Variants in ZNF142 observed in about 807,000 individuals in gnomAD.
ZNF142 encodes zinc finger protein 142.
A neutral mutation model predicts 132.1 loss-of-function variants in ZNF142; 96 were observed. The ratio of observed to expected loss-of-function variants is 0.73; its 90% CI spans 0.62 to 0.86. ZNF142 has a LOEUF of 0.86. ZNF142 is among the 40% of genes least tolerant of loss of function. ZNF142 has a pLI of 0.00. For synonymous variants in ZNF142, 842 were observed against 890.1 expected, an observed-to-expected ratio of 0.95 and a Z score of 0.96; for missense variants, 2,163 against 2,336.2, an observed-to-expected ratio of 0.93 and a Z score of 1.53.
chr2:218,647,435 A>AAAAAAAAAAAAAAAAAT (rs1559297379), intron 7 of ZNF142, among the ~76,000 whole-genome samples: 1 of 147,518 alleles, frequency 6.8e-6, no homozygotes, highest in Non-Finnish European at 1.5e-5. Flanking sequence ...AAAAAAAAAA[A>AAAAAAAAAAAAAAAAAT]GCCTCCTCCC....
At chr2:218,651,606 A>AATT in intron 5 of ZNF142, 95 bp downstream of exon 5, 1 of 1,181,026 alleles carries the variant, frequency 8.5e-7, no homozygotes, top group South Asian at 1.5e-5. Context: ...TCTTATATTC[A>AATT]TGTACATTCA....
intron 9 of ZNF142, among the ~76,000 whole-genome samples, chr2:218,641,181 C>T (rs1260358498): frequency 2.6e-5 from 4 of 152,102 alleles, no homozygotes; most frequent in African/African-American, 2.4e-5. Context: ...TCAAGCAATC[C>T]TCTGGCCTTG....
In ZNF142 at chr2:218,643,863, G is replaced by A. The variant is rs1697484302; in HGVS notation, c.3253C>T (p.Leu1085=). The A allele has an allele frequency of 6.2e-7, 1 of 1,614,190 alleles. No homozygotes were observed. Among genetic ancestry groups the A allele is most frequent in the Non-Finnish European group, 8.5e-7 (1 of 1,180,032 alleles). Reference sequence around the variant, plus strand: ...AGTAGAACAGGGCACTTCTTCAGCAGGTGGGTGCTGAGGCCGCGTTGTTGC... The same window carrying A: ...AGTAGAACAGGGCACTTCTTCAGCAAGTGGGTGCTGAGGCCGCGTTGTTGC... ...FKQQRGLSTH[L]LKKCPVLLRK... The change falls in exon 9 of 11, where the codon CTG becomes TTG. Residue 1085 remains leucine (L), a synonymous_variant. Transcript: ENST00000411696.
chr2:218,646,106 C>A, intron 8 of ZNF142, 65 bp downstream of exon 8: 2 of 1,569,780 alleles, frequency 1.3e-6, no homozygotes, highest in South Asian at 2.4e-5. Flanking sequence ...GAAGTTAGAT[C>A]CGAGAGGAAG....
In ZNF142 at chr2:218,636,278, C is replaced by T. The variant is rs751000229; in HGVS notation, c.*2061G>A. The T allele has an allele frequency of 1.5e-5, 25 of 1,613,920 alleles. No homozygotes were observed. The highest frequency in any genetic ancestry group is 1.6e-4 in the Middle Eastern group (1 of 6,084). On this transcript the variant is annotated 3_prime_UTR_variant, in exon 11 of 11. Coordinates refer to ENST00000411696, the MANE Select transcript of ZNF142 (RefSeq NM_001379659.1). ...ATACTGGGGGCAGACACTATGTTTCCGGGTGCTGGTGCCTGAACTTGCCAT... is the reference window on the plus strand; with the variant it reads ...ATACTGGGGGCAGACACTATGTTTCTGGGTGCTGGTGCCTGAACTTGCCAT...
At chr2:218,647,421 T>TAAAAAAAAAAAAA (rs1697833077) in intron 7 of ZNF142, among the ~76,000 whole-genome samples, 1 of 446 alleles carries the variant, frequency 2.2e-3, no homozygotes, top group African/African-American at 2.7e-3. Context: ...AGACTCCATC[T>TAAAAAAAAAAAAA]CAAAAAAAAA....
chr2:218,642,578 G>A lies in ZNF142; in HGVS notation c.4538C>T (p.Ala1513Val), dbSNP rs1186197270. 1 of 1,613,484 alleles carries A rather than the reference G, an allele frequency of 6.2e-7. No homozygotes were observed. The highest frequency in any genetic ancestry group is 8.5e-7 in the Non-Finnish European group (1 of 1,179,864). The change falls in exon 9 of 11, where the codon GCA (alanine) becomes GTA (valine). Residue 1513 changes from alanine to valine, a missense_variant. Physicochemically the swap from Ala to Val is moderately conservative, Grantham distance 64. Transcript: ENST00000411696. The surrounding 1 kb of genome is among the most constrained non-coding windows in gnomAD (Gnocchi z 4.6). ...TGCAGGAGAGCCAGGGGCAGGCTGT[G>A]CAGGCTCGGGGTGTCGGCGCAGAGC... ...QHALRRHPEP[A>V]QPAPGSPAET...
At chr2:218,650,586 T>C (rs1937892898) in intron 5 of ZNF142, 60 bp from the exon 6 acceptor site, 2 of 1,444,224 alleles carry the variant, frequency 1.4e-6, no homozygotes, top group Non-Finnish European at 9.2e-7. Context: ...TAAATGCTTA[T>C]ACTTCTCTAC....
chr2:218,647,863 T>C (rs1697877357), intron 7 of ZNF142, among the ~76,000 whole-genome samples: 1 of 152,196 alleles, frequency 6.6e-6, no homozygotes, highest in African/African-American at 2.4e-5. Context: ...TTGTCTCTTT[T>C]CTCATCTTTA....
chr2:218,651,463 C>T (rs1439137386), intron 5 of ZNF142, among the ~76,000 whole-genome samples: 1 of 152,240 alleles, frequency 6.6e-6, no homozygotes, highest in Non-Finnish European at 1.5e-5. Flanking sequence ...CTTCAGGCCA[C>T]ACGTAGCCTA....
At position 218,638,738 on chromosome 2, in the gene ZNF142, C is replaced by T. The variant is rs1696926779; in HGVS notation, c.5265G>A (p.Gln1755=). The T allele has an allele frequency of 6.2e-7, 1 of 1,612,894 alleles. No homozygotes were observed. Among genetic ancestry groups the T allele is most frequent in the African/African-American group, 1.3e-5 (1 of 74,926 alleles). Residue 1755 remains glutamine, a synonymous_variant, in exon 11 of 11, where the codon CAG becomes CAA. Transcript: ENST00000411696. ...TNRADALRVH[Q]ETRHREARAF... is the part of the protein sequence containing the mutation. ...CCCGTGCTTCTCGATGCCGGGTCTCCTGGTGCACACGCAGTGCATCAGCCC... is the reference window on the plus strand; with the variant it reads ...CCCGTGCTTCTCGATGCCGGGTCTCTTGGTGCACACGCAGTGCATCAGCCC...
chr2:218,646,862 C>T (rs1697772869), intron 7 of ZNF142, among the ~76,000 whole-genome samples: 1 of 151,668 alleles, frequency 6.6e-6, no homozygotes, highest in Non-Finnish European at 1.5e-5. Context: ...GTTGGGATTA[C>T]AGGCGTGAGC....
intron 7 of ZNF142, among the ~76,000 whole-genome samples, chr2:218,647,273 A>C (rs977283078): frequency 5.3e-5 from 8 of 151,662 alleles, no homozygotes; most frequent in African/African-American, 1.9e-4. Context: ...AATACAAAAA[A>C]TTAGCTGGGC....
rs750562128 is a variant in ZNF142, at chr2:218,635,910, A to AC, written c.*2428dup. 6 of 1,613,990 alleles carry AC rather than the reference A, an allele frequency of 3.7e-6. No homozygotes were observed. The highest frequency in any genetic ancestry group is 5.1e-6 in the Non-Finnish European group (6 of 1,179,894). ...TCGTCTAGACACAGCACGGCAGGAGACCAACTATGTGGAGAACAATGGTGA... is the reference window on the plus strand; with the variant it reads ...TCGTCTAGACACAGCACGGCAGGAGACCCAACTATGTGGAGAACAATGGTGA... On this transcript the variant is annotated 3_prime_UTR_variant, in exon 11 of 11. Coordinates refer to ENST00000411696, the MANE Select transcript of ZNF142 (RefSeq NM_001379659.1).
Position 218,649,477 on chromosome 2 carries a change from G to T in ZNF142, c.1049-18C>A. 1 of 1,516,422 alleles carries T rather than the reference G, an allele frequency of 6.6e-7. No individual in the cohort carries two copies. Among genetic ancestry groups the T allele is most frequent in the South Asian group, 1.3e-5 (1 of 78,902 alleles). 93.9% of individuals were successfully genotyped at this position (1,516,422 alleles called of 1,614,324 possible). A position where few individuals can be genotyped will look rare whatever the true frequency, so the allele number is the denominator to read the frequency against. On this transcript the variant is annotated intron_variant, in intron 6 of 10. Coordinates refer to ENST00000411696, the MANE Select transcript of ZNF142 (RefSeq NM_001379659.1). ...CACATCCCCTGGGAAAGGGAATACA[G>T]AGAGTTGAGAGAGTGAGATTTTTCT...
chr2:218,635,673 A>T lies in ZNF142; in HGVS notation c.*2666T>A. On this transcript the variant is annotated 3_prime_UTR_variant, in exon 11 of 11. Coordinates refer to ENST00000411696, the MANE Select transcript of ZNF142 (RefSeq NM_001379659.1). Reference sequence around the variant, plus strand: ...AATTGCAGATAGAATACTAGAAGAAAATATATTACCCATGGAGGATGTTTT... The same window carrying T: ...AATTGCAGATAGAATACTAGAAGAATATATATTACCCATGGAGGATGTTTT... 7.5e-7 allele frequency: 1 copy of T among 1,340,046 alleles called. No homozygotes were observed. Among genetic ancestry groups the T allele is most frequent in the Non-Finnish European group, 1.0e-6 (1 of 999,134 alleles). The allele number at this position is 1,340,046 out of a possible 1,614,324, so 83.0% of individuals were successfully genotyped here.
chr2:218,638,955 T>G lies in ZNF142; in HGVS notation c.5195-147A>C, dbSNP rs1559284336. ...TTGGAATGCTCCAGTCCTCCAGTCC[T>G]GTCTGACATTTCTTTTTTCTTTTAT... is the stretch of plus-strand genomic sequence containing the variant. On this transcript the variant is annotated intron_variant, in intron 10 of 10. Coordinates refer to ENST00000411696, the MANE Select transcript of ZNF142 (RefSeq NM_001379659.1). 7.7e-6 allele frequency: 5 copies of G among 652,278 alleles called. No homozygotes were observed. In the East Asian group the frequency reaches 1.5e-4, roughly 19 times the overall value. The allele number at this position is 652,278 out of a possible 1,614,324, so 40.4% of individuals were successfully genotyped here.
chr2:218,649,926 T>A (rs577248639), intron 6 of ZNF142, among the ~76,000 whole-genome samples: 5 of 152,236 alleles, frequency 3.3e-5, no homozygotes, highest in Non-Finnish European at 5.9e-5. Context: ...CCAATCTTTC[T>A]TATTCACTTG....
rs1162271305 is a variant in ZNF142, at chr2:218,642,870, C to T, written c.4246G>A (p.Glu1416Lys). Residue 1416 changes from glutamate (E) to lysine (K), a missense_variant, in exon 9 of 11, where the codon GAG becomes AAG. Glu to Lys is a moderately conservative substitution (Grantham distance 56). Around this residue, in one of 7 missense-constraint regions of ZNF142, gnomAD observed 809 missense variants for 801.7 expected, o/e 1.01. Transcript: ENST00000411696. The surrounding 1 kb of genome is among the most constrained non-coding windows in gnomAD (Gnocchi z 4.6). ...DFSTTRRYRL[E>K]AHQSRHTGIG... ...CCTGTGTGTCGGGACTGGTGAGCCT[C>T]TAACCGGTACCGTCTGGTGGTCGAA... 6.2e-7 allele frequency: 1 copy of T among 1,614,150 alleles called. No homozygotes were observed. The highest frequency in any genetic ancestry group is 8.5e-7 in the Non-Finnish European group (1 of 1,180,038).
Sources: allele counts gnomAD v4.1 joint callset (sites outside exome capture counted in the v4.1 genomes callset), GRCh38; gene constraint gnomAD v4.1.1; regional missense constraint gnomAD v4.1.1; non-coding constraint Gnocchi (gnomAD v3.1); transcripts MANE v1.5; gene names NCBI Gene and HGNC (gene_info 2026-07-23, HGNC 2026-07-21).